Variants in CHN2 observed in about 807,000 individuals in gnomAD.
The protein encoded by CHN2 is beta-chimaerin.
In CHN2, 35 loss-of-function variants were observed where a neutral mutation model predicts 56.3. That is an observed-to-expected ratio of 0.62 (90% CI 0.47 to 0.82). CHN2 has a LOEUF of 0.82. CHN2 is among the 40% of genes least tolerant of loss of function. The pLI is 0.00. For missense variants in CHN2, 491 were observed against 580.5 expected, an observed-to-expected ratio of 0.85 and a Z score of 1.58; for synonymous variants, 210 against 212.8, an observed-to-expected ratio of 0.99 and a Z score of 0.12.
At chr7:29,375,943 A>T (rs1224417070) in intron 3 of CHN2, among the ~76,000 whole-genome samples, 2 of 152,232 alleles carry the variant, frequency 1.3e-5, no homozygotes, top group Non-Finnish European at 2.9e-5. Context: ...GAGGATTTAA[A>T]GACATGCTTC....
chr7:29,505,080 G>A (rs544762723), intron 10 of CHN2, among the ~76,000 whole-genome samples: 1 of 152,284 alleles, frequency 6.6e-6, no homozygotes, highest in African/African-American at 2.4e-5. Context: ...CCCTGTCTCA[G>A]AATCCCATTC....
intron 1 of CHN2, chr7:29,332,886 TGAG>T (rs1796329061): frequency 6.6e-6 from 1 of 151,882 alleles, no homozygotes. Context: ...CATCATAAGT[TGAG>T]GAGCTTCTGT....
At chr7:29,383,146 T>C (rs1800651235) in intron 3 of CHN2, among the ~76,000 whole-genome samples, 1 of 152,236 alleles carries the variant, frequency 6.6e-6, no homozygotes, top group Admixed American at 6.5e-5. Context: ...TTTGCCCTTA[T>C]ATAGTTTCCA....
intron 1 of CHN2, among the ~76,000 whole-genome samples, chr7:29,347,396 A>T (rs1562535015): frequency 6.6e-6 from 1 of 152,154 alleles, no homozygotes; most frequent in Admixed American, 6.5e-5. Context: ...TGGGTAATTT[A>T]TAAAGGAAAG....
At chr7:29,265,990 C>A (rs1045603319) in intron 1 of CHN2, among the ~76,000 whole-genome samples, 2 of 152,172 alleles carry the variant, frequency 1.3e-5, no homozygotes, top group African/African-American at 2.4e-5. Flanking sequence ...ATGAAAAGTT[C>A]AAGGCCTGAG....
chr7:29,319,146 G>T (rs1430447844), intron 1 of CHN2, among the ~76,000 whole-genome samples: 3 of 152,176 alleles, frequency 2.0e-5, no homozygotes, highest in Non-Finnish European at 4.4e-5. Context: ...TGTGAAATTT[G>T]CACATTTAAA....
intron 1 of CHN2, among the ~76,000 whole-genome samples, chr7:29,298,597 C>T (rs6949379): frequency 6.6e-6 from 1 of 152,046 alleles, no homozygotes; most frequent in Non-Finnish European, 1.5e-5. Context: ...AAAAGGAAAC[C>T]TCCGAGTAAT....
chr7:29,180,189 T>C (rs1015141019), intron 2 of CHN2, among the ~76,000 whole-genome samples: 1 of 152,178 alleles, frequency 6.6e-6, no homozygotes, highest in African/African-American at 2.4e-5. Flanking sequence ...AATAATATTG[T>C]GAATCAAATT....
At chr7:29,460,647 G>A (rs1034714754) in intron 6 of CHN2, among the ~76,000 whole-genome samples, 7 of 152,218 alleles carry the variant, frequency 4.6e-5, no homozygotes, top group African/African-American at 1.4e-4. Flanking sequence ...TTGGCTTCAG[G>A]ACCTTTCATT....
chr7:29,308,224 G>A (rs1294566214), intron 1 of CHN2, among the ~76,000 whole-genome samples: 3 of 152,114 alleles, frequency 2.0e-5, no homozygotes, highest in African/African-American at 7.2e-5. Context: ...TCCTCCAGCT[G>A]TCTTTCCATT....
rs546214456 is a variant in CHN2, at chr7:29,264,233, G to A, written c.49+69243G>A. On this transcript the variant is annotated intron_variant, in intron 1 of 12. Coordinates refer to ENST00000222792, the MANE Select transcript of CHN2 (RefSeq NM_004067.4). ...GCCCGGCCACCACCCCGTCTGGGAG[G>A]TGGGGGGCCCCTCTGCCCAGCAGCC... is the stretch of plus-strand genomic sequence containing the variant. Among the ~76,000 whole-genome samples the A allele has an allele frequency of 2.2e-4, 34 of 151,714 alleles. 2 individuals carry two copies. In the South Asian group the frequency reaches 6.9e-3, roughly 31 times the overall value.
chr7:29,431,972 G>A (rs903925211), intron 6 of CHN2, among the ~76,000 whole-genome samples: 3 of 152,220 alleles, frequency 2.0e-5, no homozygotes, highest in African/African-American at 7.2e-5. Context: ...ACAGCCTTGG[G>A]ATCTCACCCT....
intron 1 of CHN2, among the ~76,000 whole-genome samples, chr7:29,249,751 A>G (rs563538330): frequency 2.0e-5 from 3 of 152,360 alleles, no homozygotes; most frequent in Non-Finnish European, 4.4e-5. Context: ...TGTGAAAGAT[A>G]TTATGGAATA....
chr7:29,323,161 C>G (rs201049108), intron 1 of CHN2, among the ~76,000 whole-genome samples: 51 of 132,736 alleles, frequency 3.8e-4, no homozygotes, highest in Non-Finnish European at 3.1e-4. Context: ...CCCCCCCGTT[C>G]CCCCCCAACA....
rs1171301179 is a variant in CHN2 at position 29,333,717 on chromosome 7, G to C, written c.50-20908G>C. Among the ~76,000 whole-genome samples the C allele has an allele frequency of 1.4e-4, 21 of 152,134 alleles. 1 individual carries two copies. Among genetic ancestry groups the C allele is most frequent in the Admixed American group, 1.4e-3 (21 of 15,270 alleles). ...GCTTTCCTGGCTGATTTCTTCTCCAGCTGGAGACTTCTTTCTGGTTTTCCA... is the reference window on the plus strand; with the variant it reads ...GCTTTCCTGGCTGATTTCTTCTCCACCTGGAGACTTCTTTCTGGTTTTCCA... On this transcript the variant is annotated intron_variant, in intron 1 of 12. Coordinates refer to ENST00000222792, the MANE Select transcript of CHN2 (RefSeq NM_004067.4).
intron 2 of CHN2, among the ~76,000 whole-genome samples, chr7:29,163,477 C>A (rs1171263990): frequency 1.3e-5 from 2 of 151,886 alleles, no homozygotes; most frequent in Non-Finnish European, 2.9e-5. Flanking sequence ...AATATGGTAC[C>A]CTGAAAATTG....
At chr7:29,264,886 C>T (rs936145901) in intron 1 of CHN2, among the ~76,000 whole-genome samples, 1 of 108,542 alleles carries the variant, frequency 9.2e-6, no homozygotes, top group African/African-American at 3.7e-5. Flanking sequence ...AAAAAAAAAA[C>T]AAGTTAATTT....
intron 1 of CHN2, among the ~76,000 whole-genome samples, chr7:29,302,118 C>G (rs1793720265): frequency 6.6e-6 from 1 of 152,230 alleles, no homozygotes; most frequent in Non-Finnish European, 1.5e-5. Flanking sequence ...GTGGCTGTCT[C>G]TCTCTAACAG....
intron 7 of CHN2, among the ~76,000 whole-genome samples, chr7:29,482,096 T>C (rs1322085737): frequency 2.0e-5 from 3 of 152,204 alleles, no homozygotes; most frequent in Non-Finnish European, 4.4e-5. Flanking sequence ...ACACAATATA[T>C]TACTTATCAC....
Sources: allele counts gnomAD v4.1 joint callset (sites outside exome capture counted in the v4.1 genomes callset), GRCh38; gene constraint gnomAD v4.1.1; transcripts MANE v1.5; gene names NCBI Gene and HGNC (gene_info 2026-07-23, HGNC 2026-07-21).